Variants in CRMP1 observed in about 807,000 individuals in gnomAD.
CRMP1 encodes collapsin response mediator protein 1.
In CRMP1, 19 loss-of-function variants were observed where a neutral mutation model predicts 68.3. The observed-to-expected ratio is 0.28, with a 90% CI of 0.19 to 0.41. The LOEUF (loss-of-function observed/expected upper bound fraction) is 0.41. Ranked by LOEUF, CRMP1 falls within the 10% of genes least tolerant of loss-of-function variation. CRMP1 has a pLI of 1.00. For missense variants in CRMP1, 791 were observed against 967.4 expected (o/e 0.82, Z 2.42); for synonymous variants, 439 against 399.6 (o/e 1.10, Z -1.18).
In CRMP1 at chr4:5,856,907, C is replaced by T. The variant is rs530426624; in HGVS notation, c.656-600G>A. On this transcript the variant is annotated intron_variant, in intron 3 of 13. Coordinates refer to ENST00000324989, the MANE Select transcript of CRMP1 (RefSeq NM_001014809.3). ...CCACCACCATCATCATCATTACTAA[C>T]ATTATCACCACCACCACCACCATCA... 2.0e-5 allele frequency among the ~76,000 whole-genome samples: 3 copies of T among 149,328 alleles called. No individual in the cohort carries two copies. The South Asian group carries it at 6.4e-4, about 32-fold the overall frequency.
rs968627150 is a variant in CRMP1, at chr4:5,881,118, G to A, written c.381+11471C>T. Among the ~76,000 whole-genome samples the A allele has an allele frequency of 3.3e-5, 5 of 152,236 alleles. No individual in the cohort carries two copies. The highest frequency in any genetic ancestry group is 4.8e-5 in the African/African-American group (2 of 41,456). On this transcript the variant is annotated intron_variant, in intron 1 of 13. Transcript: ENST00000324989. The surrounding 1 kb of genome is among the most constrained non-coding windows in gnomAD (Gnocchi z 4.6). ...GGCCACACATGGTGTGCCAGGTCAAGGCGAATGCTCTGGATGCCTGGGACA... is the reference window on the plus strand; with the variant it reads ...GGCCACACATGGTGTGCCAGGTCAAAGCGAATGCTCTGGATGCCTGGGACA...
chr4:5,874,671 G>A (rs188077077), intron 1 of CRMP1, among the ~76,000 whole-genome samples: 8 of 151,792 alleles, frequency 5.3e-5, no homozygotes, highest in East Asian at 1.9e-4. Flanking sequence ...GAAAGAGAAC[G>A]TTTGAAAAGA....
In CRMP1 at chr4:5,866,809, T is replaced by G. The variant is rs1045898734; in HGVS notation, c.382-53A>C. On this transcript the variant is annotated intron_variant, in intron 1 of 13. Transcript: ENST00000324989. The surrounding 1 kb of genome is among the most constrained non-coding windows in gnomAD (Gnocchi z 5.9). ...TCCTTGGTGAAAAGCCAGGATAAAG[T>G]TTTTTCTTTTTAATTTTTAATATAA... is the stretch of plus-strand genomic sequence containing the variant. The G allele has an allele frequency of 3.8e-6, 5 of 1,314,692 alleles. No individual in the cohort carries two copies. Among genetic ancestry groups the G allele is most frequent in the Non-Finnish European group, 5.2e-6 (5 of 953,850 alleles). The allele number at this position is 1,314,692 out of a possible 1,614,324, so 81.4% of individuals were successfully genotyped here. A position where few individuals can be genotyped will look rare whatever the true frequency, so the allele number is the denominator to read the frequency against.
chr4:5,844,106 A>G (rs892565233), intron 6 of CRMP1, among the ~76,000 whole-genome samples: 10 of 152,142 alleles, frequency 6.6e-5, no homozygotes, highest in Non-Finnish European at 2.9e-5. Flanking sequence ...AGAAATCACA[A>G]TCTCAACTGC....
chr4:5,825,761 A>C lies in CRMP1; in HGVS notation c.1804-102T>G. 1 of 1,207,472 alleles carries C rather than the reference A, an allele frequency of 8.3e-7. No individual in the cohort carries two copies. The allele number at this position is 1,207,472 out of a possible 1,614,324, so 74.8% of individuals were successfully genotyped here. A position where few individuals can be genotyped will look rare whatever the true frequency, so the allele number is the denominator to read the frequency against. ...GCGGGCGAGAGAGAAACCTGAGGTC[A>C]CTTCAAATGTGCATGCACACACACA... On this transcript the variant is annotated intron_variant, in intron 12 of 13. Transcript: ENST00000324989. This position sits in a 1 kb window ranked among gnomAD's most constrained non-coding sequence, Gnocchi z 4.4.
intron 4 of CRMP1, among the ~76,000 whole-genome samples, chr4:5,852,858 G>C (rs928369940): frequency 7.9e-5 from 12 of 152,174 alleles, no homozygotes; most frequent in Admixed American, 3.9e-4. Context: ...GGGGAGTACA[G>C]CTCAGCACGA....
rs1270154887 is a variant in CRMP1 at position 5,821,753 on chromosome 4, T to C, written c.*7A>G. 1 of 1,605,790 alleles carries C rather than the reference T, an allele frequency of 6.2e-7. No homozygotes were observed. The highest frequency in any genetic ancestry group is 1.7e-5 in the Admixed American group (1 of 59,298). ...TCCTTCAGGCTAGCTCCTCCGCGCA[T>C]CCACGTTCAACCGAGGCTGGTGATG... On this transcript the variant is annotated 3_prime_UTR_variant, in exon 14 of 14. Transcript: ENST00000324989. The surrounding 1 kb of genome is among the most constrained non-coding windows in gnomAD (Gnocchi z 4.4).
At chr4:5,830,145 C>A (rs1428584281) in intron 11 of CRMP1, among the ~76,000 whole-genome samples, 5 of 152,172 alleles carry the variant, frequency 3.3e-5, no homozygotes, top group Non-Finnish European at 5.9e-5. Flanking sequence ...ATATTTATTT[C>A]TTACGGTGTC....
intron 6 of CRMP1, among the ~76,000 whole-genome samples, chr4:5,845,053 AGAT>A (rs1458683018): frequency 1.3e-5 from 2 of 152,228 alleles, no homozygotes; most frequent in Non-Finnish European, 2.9e-5. Flanking sequence ...GCCTGGCCAA[AGAT>A]GGATCTCACA....
intron 1 of CRMP1, chr4:5,887,860 C>T (rs1715707523): frequency 2.0e-6 from 2 of 996,396 alleles, no homozygotes; most frequent in Non-Finnish European, 1.2e-6. Flanking sequence ...AGCTCACCCT[C>T]CCACCCCCGC....
Position 5,865,569 on chromosome 4 carries a change from C to T in CRMP1, c.470+1099G>A, listed in dbSNP as rs1245411214. 2.0e-5 allele frequency among the ~76,000 whole-genome samples: 3 copies of T among 147,544 alleles called. No homozygotes were observed. Among genetic ancestry groups the T allele is most frequent in the East Asian group, 2.0e-4 (1 of 5,012 alleles). ...CCGGGAAGTGGAGGTTGCAGTGAGC[C>T]GAGATTGTGCCACTGCACTCCAGCC... is the stretch of plus-strand genomic sequence containing the variant. On this transcript the variant is annotated intron_variant, in intron 2 of 13. Transcript: ENST00000324989. This position sits in a 1 kb window ranked among gnomAD's most constrained non-coding sequence, Gnocchi z 4.1.
chr4:5,833,082 G>A (rs1321226398), intron 11 of CRMP1, among the ~76,000 whole-genome samples: 1 of 152,122 alleles, frequency 6.6e-6, no homozygotes, highest in African/African-American at 2.4e-5. Context: ...GAGTGGCCTG[G>A]AAGGGGTCTG....
chr4:5,868,106 C>A (rs2152470409), intron 1 of CRMP1, among the ~76,000 whole-genome samples: 1 of 151,866 alleles, frequency 6.6e-6, no homozygotes, highest in African/African-American at 2.4e-5. Flanking sequence ...TAAACATAAA[C>A]AAAGCTTCAC....
At chr4:5,848,817 G>A (rs951972695) in intron 6 of CRMP1, among the ~76,000 whole-genome samples, 1 of 152,150 alleles carries the variant, frequency 6.6e-6, no homozygotes, top group Non-Finnish European at 1.5e-5. Flanking sequence ...TGCCAGCTCA[G>A]GCCTCTCTTC....
chr4:5,831,076 G>A (rs1011729827), intron 11 of CRMP1, among the ~76,000 whole-genome samples: 1 of 152,084 alleles, frequency 6.6e-6, no homozygotes. Context: ...AGCCTCTCAA[G>A]TAGCTAGGAC....
In CRMP1 at chr4:5,850,657, T is replaced by C. The variant is rs1223560327; in HGVS notation, c.882+751A>G. Among the ~76,000 whole-genome samples the C allele has an allele frequency of 6.6e-6, 1 of 152,162 alleles. No individual in the cohort carries two copies. The highest frequency in any genetic ancestry group is 1.5e-5 in the Non-Finnish European group (1 of 68,030). Reference sequence around the variant, plus strand: ...CTGCCTCTATAAGGTAGGGCTATCATGAGCCTAAAGCACAGAGAAGTTGGG... The same window carrying C: ...CTGCCTCTATAAGGTAGGGCTATCACGAGCCTAAAGCACAGAGAAGTTGGG... On this transcript the variant is annotated intron_variant, in intron 5 of 13. Transcript: ENST00000324989. The surrounding 1 kb of genome is among the most constrained non-coding windows in gnomAD (Gnocchi z 4.4).
chr4:5,856,167 G>C lies in CRMP1; in HGVS notation c.796C>G (p.Leu266Val). 1.2e-6 allele frequency: 2 copies of C among 1,613,940 alleles called. No homozygotes were observed. The highest frequency in any genetic ancestry group is 1.7e-6 in the Non-Finnish European group (2 of 1,179,886). Residue 266 changes from leucine to valine, a missense_variant, in exon 4 of 14, where the codon CTG becomes GTG. Leu to Val is a conservative substitution (Grantham distance 32). Coordinates refer to ENST00000324989, the MANE Select transcript of CRMP1 (RefSeq NM_001014809.3). The stretch of plus-strand genomic sequence containing the variant: ...CCTTTGTCCTGCACCAGCACCTCCA[G>C]CTCCTCCCGAACGCCATCGTACCAG... ...TSWYDGVREELEVLVQDKGVN... is the reference protein window; with the variant it reads ...TSWYDGVREEVEVLVQDKGVN...
Position 5,859,306 on chromosome 4 carries a change from C to T in CRMP1, c.655+1720G>A, listed in dbSNP as rs1228127961. ...CCATGAAACACACTTTGGAAACTGC[C>T]CTTCACAGGTGAGGAGGATAAGGCT... On this transcript the variant is annotated intron_variant, in intron 3 of 13. Coordinates refer to ENST00000324989, the MANE Select transcript of CRMP1 (RefSeq NM_001014809.3). The surrounding 1 kb of genome is among the most constrained non-coding windows in gnomAD (Gnocchi z 5.2). Among the ~76,000 whole-genome samples, 3 of 152,132 alleles carry T rather than the reference C, an allele frequency of 2.0e-5. No individual in the cohort carries two copies. The highest frequency in any genetic ancestry group is 2.1e-4 in the South Asian group (1 of 4,818).
Position 5,866,327 on chromosome 4 carries a change from C to A in CRMP1, c.470+341G>T, listed in dbSNP as rs1455082247. Among the ~76,000 whole-genome samples, 2 of 152,232 alleles carry A rather than the reference C, an allele frequency of 1.3e-5. No homozygotes were observed. The highest frequency in any genetic ancestry group is 2.4e-5 in the African/African-American group (1 of 41,458). On this transcript the variant is annotated intron_variant, in intron 2 of 13. Coordinates refer to ENST00000324989, the MANE Select transcript of CRMP1 (RefSeq NM_001014809.3). This position sits in a 1 kb window ranked among gnomAD's most constrained non-coding sequence, Gnocchi z 5.9. ...GAATCCGGGCCTTGACCCTAACTCA[C>A]CCCGTCATATGGGGCCAGGTACCCA...
Sources: allele counts gnomAD v4.1 joint callset (sites outside exome capture counted in the v4.1 genomes callset), GRCh38; gene constraint gnomAD v4.1.1; non-coding constraint Gnocchi (gnomAD v3.1); transcripts MANE v1.5; gene names NCBI Gene and HGNC (gene_info 2026-07-23, HGNC 2026-07-21).